Variants in ADAMTSL1 observed in about 807,000 individuals in gnomAD.
ADAMTSL1 encodes ADAMTS like 1, also known as ADAMTS-like protein 1.
A neutral mutation model predicts 201.8 loss-of-function variants in ADAMTSL1; 126 were observed. The observed-to-expected ratio is 0.62, with a 90% CI of 0.54 to 0.72. ADAMTSL1 has a LOEUF of 0.72. Ranked by LOEUF, ADAMTSL1 falls within the 30% of genes least tolerant of loss-of-function variation. The pLI, the probability that ADAMTSL1 is intolerant of heterozygous loss-of-function variation, is 0.00. For missense variants in ADAMTSL1, 2,679 were observed against 2,277.8 expected, an observed-to-expected ratio of 1.18 and a Z score of -3.59; for synonymous variants, 1,121 against 903.4, an observed-to-expected ratio of 1.24 and a Z score of -4.32.
chr9:18,248,456 A>T (rs1035211205), intron 2 of ADAMTSL1, among the ~76,000 whole-genome samples: 1 of 152,022 alleles, frequency 6.6e-6, no homozygotes, highest in African/African-American at 2.4e-5. Flanking sequence ...TTTCCAAAAC[A>T]CTGTTCTATG....
chr9:18,344,159 G>C (rs951526182), intron 2 of ADAMTSL1, among the ~76,000 whole-genome samples: 1 of 152,044 alleles, frequency 6.6e-6, no homozygotes, highest in Non-Finnish European at 1.5e-5. Flanking sequence ...TTTAGGGTTT[G>C]GTTCACCCGA....
At chr9:18,433,282 T>C (rs1735486329) in intron 2 of ADAMTSL1, among the ~76,000 whole-genome samples, 1 of 152,238 alleles carries the variant, frequency 6.6e-6, no homozygotes, top group Non-Finnish European at 1.5e-5. Context: ...ATTGGAGGCC[T>C]ATAATAACCA....
At chr9:18,058,007 A>G (rs866600433) in intron 1 of ADAMTSL1, among the ~76,000 whole-genome samples, 2 of 152,296 alleles carry the variant, frequency 1.3e-5, no homozygotes, top group Middle Eastern at 3.4e-3. Flanking sequence ...TCAGCAGGGA[A>G]GGGTAAATCT....
At chr9:18,671,211 T>C (rs1829789697) in intron 9 of ADAMTSL1, among the ~76,000 whole-genome samples, 1 of 151,990 alleles carries the variant, frequency 6.6e-6, no homozygotes, top group Non-Finnish European at 1.5e-5. Flanking sequence ...GAGGAGTTAG[T>C]ATTAGGGGTG....
At chr9:18,530,657 A>G (rs545425497) in intron 2 of ADAMTSL1, among the ~76,000 whole-genome samples, 1 of 152,228 alleles carries the variant, frequency 6.6e-6, no homozygotes, top group African/African-American at 2.4e-5. Context: ...TAGCTATTAT[A>G]TTTTTACATC....
At chr9:17,929,363 A>G (rs1563901624) in intron 1 of ADAMTSL1, among the ~76,000 whole-genome samples, 1 of 151,746 alleles carries the variant, frequency 6.6e-6, no homozygotes, top group Non-Finnish European at 1.5e-5. Context: ...GTACTGTAAG[A>G]CCTCTTCTTT....
chr9:18,647,463 T>G (rs1827894371), intron 7 of ADAMTSL1, among the ~76,000 whole-genome samples: 2 of 152,188 alleles, frequency 1.3e-5, no homozygotes, highest in Admixed American at 6.5e-5. Context: ...TTTCTAGTTC[T>G]TTTAATTGTG....
intron 14 of ADAMTSL1, among the ~76,000 whole-genome samples, chr9:18,710,666 G>C (rs2779123): frequency 1.1e-5 from 1 of 92,618 alleles, no homozygotes; most frequent in East Asian, 2.8e-4. Context: ...CCTAAGTTTT[G>C]TTTTGTTTTT....
At chr9:18,319,945 A>G (rs1199506731) in intron 2 of ADAMTSL1, among the ~76,000 whole-genome samples, 1 of 152,152 alleles carries the variant, frequency 6.6e-6, no homozygotes, top group Non-Finnish European at 1.5e-5. Context: ...AAGACAAAAG[A>G]GATTTGAAGT....
chr9:18,638,763 G>T (rs1827258598), intron 6 of ADAMTSL1, among the ~76,000 whole-genome samples: 1 of 152,096 alleles, frequency 6.6e-6, no homozygotes, highest in African/African-American at 2.4e-5. Flanking sequence ...TAGCATCAGT[G>T]CAGTAAGTAA....
At chr9:18,504,710 C>T in intron 1 of ADAMTSL1, 119 bp from the exon 2 acceptor site, 1 of 1,364,738 alleles carries the variant, frequency 7.3e-7, no homozygotes, top group Admixed American at 1.8e-5. Flanking sequence ...TCTGATTGCG[C>T]GTTTTCATTC....
intron 1 of ADAMTSL1, among the ~76,000 whole-genome samples, chr9:18,107,169 A>G (rs752658099): frequency 1.2e-4 from 18 of 152,164 alleles, no homozygotes; most frequent in Non-Finnish European, 2.4e-4. Context: ...AGTGGGCTGC[A>G]TTAGATATTT....
At chr9:18,167,179 T>G (rs1184532108) in intron 2 of ADAMTSL1, among the ~76,000 whole-genome samples, 1 of 151,960 alleles carries the variant, frequency 6.6e-6, no homozygotes, top group Non-Finnish European at 1.5e-5. Flanking sequence ...CATGTTGATT[T>G]TGATTGTAAG....
At chr9:18,221,642 T>C (rs1830263353) in intron 2 of ADAMTSL1, among the ~76,000 whole-genome samples, 1 of 152,198 alleles carries the variant, frequency 6.6e-6, no homozygotes, top group Non-Finnish European at 1.5e-5. Flanking sequence ...AATTTAGTTC[T>C]ACGTATTTTC....
At chr9:18,312,449 G>GA (rs1834191933) in intron 2 of ADAMTSL1, among the ~76,000 whole-genome samples, 1 of 152,190 alleles carries the variant, frequency 6.6e-6, no homozygotes, top group African/African-American at 2.4e-5. Flanking sequence ...GGAGTTACAG[G>GA]AAATGGCTGC....
At chr9:18,687,363 T>C (rs537556485) in intron 13 of ADAMTSL1, among the ~76,000 whole-genome samples, 3 of 152,208 alleles carry the variant, frequency 2.0e-5, no homozygotes, top group African/African-American at 4.8e-5. Flanking sequence ...CTGAAGCATA[T>C]TGAAAAAATG....
intron 21 of ADAMTSL1, among the ~76,000 whole-genome samples, chr9:18,822,554 T>C (rs1824274246): frequency 6.6e-6 from 1 of 152,074 alleles, no homozygotes; most frequent in Non-Finnish European, 1.5e-5. Flanking sequence ...CTGGCACTGG[T>C]GGGTTACTGA....
intron 5 of ADAMTSL1, among the ~76,000 whole-genome samples, chr9:18,632,058 G>A (rs142131659): frequency 5.6e-4 from 85 of 152,284 alleles, no homozygotes; most frequent in African/African-American, 1.6e-3. Flanking sequence ...TGTGCAGCAC[G>A]GTGGGAGAGG....
chr9:18,687,117 C>T (rs1830885812), intron 13 of ADAMTSL1, among the ~76,000 whole-genome samples: 1 of 151,936 alleles, frequency 6.6e-6, no homozygotes, highest in South Asian at 2.1e-4. Context: ...TACTTTTATA[C>T]CAAAATAAAA....
Sources: gnomAD v4.1 joint callset for allele counts (sites outside exome capture counted in the v4.1 genomes callset) on GRCh38, gnomAD v4.1.1 for gene constraint, MANE v1.5 for transcripts, NCBI Gene and HGNC (gene_info 2026-07-23, HGNC 2026-07-21) for gene names.